The following ADK variants were observed in gnomAD, a reference collection of about 807,000 sequenced individuals.
ADK encodes adenosine kinase.
ADK carries 24 observed loss-of-function variants against 44.7 expected under a neutral mutation model. That is an observed-to-expected ratio of 0.54 (90% CI 0.39 to 0.76). ADK has a LOEUF of 0.76. Among genes scored for constraint, ADK ranks in the 30% least tolerant of loss-of-function variants. The pLI is 0.00. For missense variants in ADK, 321 were observed against 425.1 expected (o/e 0.76, Z 2.15); for synonymous variants, 128 against 142.6 (o/e 0.90, Z 0.73).
At chr10:74,616,852 T>C (rs1852778636) in intron 9 of ADK, among the ~76,000 whole-genome samples, 1 of 152,170 alleles carries the variant, frequency 6.6e-6, no homozygotes, top group Non-Finnish European at 1.5e-5. Context: ...TTCCAATCCA[T>C]ATTTTCCTCT....
At chr10:74,439,048 A>G (rs984559614) in intron 6 of ADK, among the ~76,000 whole-genome samples, 5 of 152,360 alleles carry the variant, frequency 3.3e-5, no homozygotes, top group African/African-American at 9.6e-5. Context: ...AATCCTTCAT[A>G]AAATGTCATA....
chr10:74,503,497 G>T (rs529925257), intron 6 of ADK, among the ~76,000 whole-genome samples: 1 of 152,220 alleles, frequency 6.6e-6, no homozygotes, highest in East Asian at 1.9e-4. Context: ...AAGGAGCTTT[G>T]CCAGAGCAGG....
intron 10 of ADK, among the ~76,000 whole-genome samples, chr10:74,680,193 T>C (rs1053868530): frequency 1.3e-5 from 2 of 151,228 alleles, no homozygotes; most frequent in African/African-American, 4.9e-5. Flanking sequence ...CAGACGCCTG[T>C]AGTCCCAGCT....
chr10:74,341,747 T>G (rs577331298), intron 4 of ADK, among the ~76,000 whole-genome samples: 68 of 152,318 alleles, frequency 4.5e-4, no homozygotes, highest in Non-Finnish European at 8.4e-4. Context: ...GTGTATTTAT[T>G]TATTTGGCTG....
At chr10:74,497,372 A>G (rs1041430053) in intron 6 of ADK, among the ~76,000 whole-genome samples, 1 of 152,098 alleles carries the variant, frequency 6.6e-6, no homozygotes, top group African/African-American at 2.4e-5. Context: ...TCCTTGTTCT[A>G]TATTCTTTTG....
At chr10:74,702,286 C>T (rs1445572067) in intron 10 of ADK, among the ~76,000 whole-genome samples, 5 of 151,404 alleles carry the variant, frequency 3.3e-5, no homozygotes, top group Non-Finnish European at 7.4e-5. Flanking sequence ...CGGATTCAAG[C>T]GATTCTCCTG....
In ADK at chr10:74,332,445, G is replaced by A. The variant is rs116700470; in HGVS notation, c.273+17700G>A. ...AAATTTAGAGAAAGCTTCCAGATCT[G>A]CTCTAGAATTTATTACCATCTGGTC... is the stretch of plus-strand genomic sequence containing the variant. On this transcript the variant is annotated intron_variant, in intron 4 of 10. Transcript: ENST00000539909. Among the ~76,000 whole-genome samples the A allele has an allele frequency of 1.8e-3, 269 of 152,302 alleles. 1 individual carries two copies. Among genetic ancestry groups the A allele is most frequent in the African/African-American group, 5.5e-3 (228 of 41,574 alleles).
chr10:74,541,533 G>A (rs1448267774), intron 7 of ADK, among the ~76,000 whole-genome samples: 1 of 151,848 alleles, frequency 6.6e-6, no homozygotes, highest in Non-Finnish European at 1.5e-5. Context: ...CTGGTTTTTT[G>A]TAGAATGCCC....
At chr10:74,640,686 A>G (rs1342810307) in intron 9 of ADK, among the ~76,000 whole-genome samples, 3 of 152,130 alleles carry the variant, frequency 2.0e-5, no homozygotes, top group Admixed American at 6.5e-5. Context: ...CAAGTGCTCA[A>G]CTCTCCCTCT....
At chr10:74,612,686 T>G (rs1352284091) in intron 9 of ADK, among the ~76,000 whole-genome samples, 1 of 152,184 alleles carries the variant, frequency 6.6e-6, no homozygotes. Flanking sequence ...GAGGTCTTAG[T>G]CATAAATTCT....
chr10:74,428,903 A>T (rs1266223050), intron 6 of ADK, among the ~76,000 whole-genome samples: 1 of 152,246 alleles, frequency 6.6e-6, no homozygotes, highest in East Asian at 1.9e-4. Context: ...TGTCCCTGAG[A>T]AGTACACAAC....
intron 7 of ADK, among the ~76,000 whole-genome samples, chr10:74,532,259 G>A (rs1166776657): frequency 6.6e-6 from 1 of 151,890 alleles, no homozygotes; most frequent in African/African-American, 2.4e-5. Flanking sequence ...ATAGGGATTG[G>A]TGAGGGTCAG....
At chr10:74,414,287 C>T (rs1353911691) in intron 6 of ADK, among the ~76,000 whole-genome samples, 1 of 152,076 alleles carries the variant, frequency 6.6e-6, no homozygotes, top group Non-Finnish European at 1.5e-5. Flanking sequence ...CTTAATTATG[C>T]TATTTCTTAC....
intron 2 of ADK, among the ~76,000 whole-genome samples, chr10:74,206,564 C>T (rs545967547): frequency 1.3e-5 from 2 of 152,202 alleles, no homozygotes; most frequent in Non-Finnish European, 2.9e-5. Context: ...TTCCCCCCAG[C>T]CTGTCACCTG....
At chr10:74,474,685 T>C (rs1363244816) in intron 6 of ADK, among the ~76,000 whole-genome samples, 1 of 151,842 alleles carries the variant, frequency 6.6e-6, no homozygotes, top group Non-Finnish European at 1.5e-5. Context: ...TGGGGGTGTG[T>C]GTGTGTGTTT....
chr10:74,472,617 T>C (rs1381924604), intron 6 of ADK, among the ~76,000 whole-genome samples: 1 of 152,206 alleles, frequency 6.6e-6, no homozygotes, highest in African/African-American at 2.4e-5. Flanking sequence ...AAATGCATTG[T>C]CGTCTGGTAG....
At chr10:74,203,265 A>G (rs540126829) in intron 2 of ADK, among the ~76,000 whole-genome samples, 2 of 152,304 alleles carry the variant, frequency 1.3e-5, no homozygotes, top group African/African-American at 4.8e-5. Context: ...CCATAGATAT[A>G]TGGGTAAATT....
chr10:74,166,360 G>A (rs1247203179), intron 1 of ADK, among the ~76,000 whole-genome samples: 1 of 152,150 alleles, frequency 6.6e-6, no homozygotes, highest in Admixed American at 6.5e-5. Flanking sequence ...TTACTTGGTT[G>A]CAGAGGCTGT....
chr10:74,158,731 C>T (rs1421829781), intron 1 of ADK, among the ~76,000 whole-genome samples: 1 of 152,202 alleles, frequency 6.6e-6, no homozygotes, highest in Admixed American at 6.5e-5. Context: ...AAGTTGGCTA[C>T]TGTGCAGGAA....
Sources: allele counts gnomAD v4.1 joint callset (sites outside exome capture counted in the v4.1 genomes callset), GRCh38; gene constraint gnomAD v4.1.1; transcripts MANE v1.5; gene names NCBI Gene and HGNC (gene_info 2026-07-23, HGNC 2026-07-21).